Variants in VAV3 observed in about 807,000 individuals in gnomAD.
The protein encoded by VAV3 is guanine nucleotide exchange factor VAV3.
VAV3 carries 94 observed loss-of-function variants against 131.2 expected under a neutral mutation model. The observed-to-expected ratio is 0.72, with a 90% CI of 0.61 to 0.85. The LOEUF (loss-of-function observed/expected upper bound fraction) is 0.85, where lower values mean the gene tolerates loss of function less well. Among genes scored for constraint, VAV3 ranks in the 40% least tolerant of loss-of-function variants. The pLI, the probability that VAV3 is intolerant of heterozygous loss-of-function variation, is 0.00. For synonymous variants in VAV3, 349 were observed against 342.0 expected, an observed-to-expected ratio of 1.02 and a Z score of -0.22; for missense variants, 939 against 1,002.7, an observed-to-expected ratio of 0.94 and a Z score of 0.86.
Position 107,772,854 on chromosome 1 carries a change from G to A in VAV3, c.447-11C>T, listed in dbSNP as rs1239641256. ...TCCACAAGGGTTTCACTACAACAAA[G>A]GATATCATATAAGGTCATTTTCTAT... is the stretch of plus-strand genomic sequence containing the variant. On this transcript the variant is annotated splice_polypyrimidine_tract_variant and intron_variant, in intron 4 of 26. Transcript: ENST00000370056. The A allele has an allele frequency of 1.2e-6, 2 of 1,605,480 alleles. No homozygotes were observed. Among genetic ancestry groups the A allele is most frequent in the Admixed American group, 1.7e-5 (1 of 59,604 alleles).
At chr1:107,865,635 G>T (rs1669949530) in intron 2 of VAV3, among the ~76,000 whole-genome samples, 2 of 152,174 alleles carry the variant, frequency 1.3e-5, no homozygotes, top group Admixed American at 6.6e-5. Context: ...TGTGCGGCTT[G>T]TAAAAGAGTT....
At chr1:107,870,011 T>G (rs184868505) in intron 2 of VAV3, among the ~76,000 whole-genome samples, 42 of 152,274 alleles carry the variant, frequency 2.8e-4, no homozygotes, top group African/African-American at 1.0e-3. Flanking sequence ...TTCCGTCATA[T>G]ATACAATTTC....
intron 2 of VAV3, among the ~76,000 whole-genome samples, chr1:107,838,145 T>C (rs4915080): frequency 6.6e-6 from 1 of 151,786 alleles, no homozygotes; most frequent in African/African-American, 2.4e-5. Context: ...TCCGACAAAG[T>C]TCTAATAACC....
intron 1 of VAV3, among the ~76,000 whole-genome samples, chr1:107,883,136 T>G (rs1343858665): frequency 1.3e-5 from 2 of 151,920 alleles, no homozygotes; most frequent in African/African-American, 4.8e-5. Flanking sequence ...AGTTAACAGG[T>G]TTTTTTTCAC....
At chr1:107,654,811 G>A (rs1458261714) in intron 19 of VAV3, among the ~76,000 whole-genome samples, 1 of 151,694 alleles carries the variant, frequency 6.6e-6, no homozygotes, top group African/African-American at 2.4e-5. Context: ...GTCTAACAGG[G>A]AAAAGGAAAA....
At chr1:107,920,597 C>G (rs1672847246) in intron 1 of VAV3, among the ~76,000 whole-genome samples, 1 of 152,200 alleles carries the variant, frequency 6.6e-6, no homozygotes, top group Non-Finnish European at 1.5e-5. Context: ...CTCCAAACCA[C>G]TTCTTTGATG....
intron 15 of VAV3, among the ~76,000 whole-genome samples, chr1:107,720,384 A>ATAATAAAT (rs1661414262): frequency 9.8e-6 from 1 of 102,524 alleles, no homozygotes; most frequent in Non-Finnish European, 1.9e-5. Flanking sequence ...CACTGTCTCA[A>ATAATAAAT]AAATAAATAA....
At chr1:107,934,250 A>C (rs898905216) in intron 1 of VAV3, among the ~76,000 whole-genome samples, 1 of 152,192 alleles carries the variant, frequency 6.6e-6, no homozygotes, top group Non-Finnish European at 1.5e-5. Context: ...GCAAAACCCA[A>C]GACTTTCCTG....
chr1:107,760,766 C>A lies in VAV3; in HGVS notation c.1017+18G>T, dbSNP rs1007303045. 6.4e-6 allele frequency: 10 copies of A among 1,570,864 alleles called. No homozygotes were observed. Among genetic ancestry groups the A allele is most frequent in the Non-Finnish European group, 7.9e-6 (9 of 1,144,244 alleles). On this transcript the variant is annotated intron_variant, in intron 10 of 26. Transcript: ENST00000370056. ...AGTGAATAAATGGACAATAAATAAA[C>A]TGTTTTAAGTTACATACCTGGAGGA...
intron 1 of VAV3, among the ~76,000 whole-genome samples, chr1:107,947,213 T>C (rs1337622267): frequency 6.6e-6 from 1 of 152,220 alleles, no homozygotes; most frequent in East Asian, 1.9e-4. Context: ...GGGTAGAGTG[T>C]TACACATATG....
At chr1:107,656,181 C>T (rs1325697009) in intron 19 of VAV3, among the ~76,000 whole-genome samples, 1 of 152,018 alleles carries the variant, frequency 6.6e-6, no homozygotes, top group Non-Finnish European at 1.5e-5. Flanking sequence ...TTCATAATAA[C>T]CGAAATATGG....
At chr1:107,612,075 G>A (rs960901247) in intron 21 of VAV3, among the ~76,000 whole-genome samples, 23 of 151,788 alleles carry the variant, frequency 1.5e-4, no homozygotes, top group African/African-American at 4.8e-4. Context: ...CTTCTGCTAT[G>A]AACATGTAGT....
chr1:107,735,679 G>A (rs1662574147), intron 15 of VAV3, among the ~76,000 whole-genome samples: 1 of 152,086 alleles, frequency 6.6e-6, no homozygotes, highest in Admixed American at 6.5e-5. Context: ...TTCCTGAATA[G>A]ACCAATAACA....
intron 1 of VAV3, among the ~76,000 whole-genome samples, chr1:107,953,652 G>A (rs1313223166): frequency 1.3e-5 from 2 of 152,192 alleles, no homozygotes; most frequent in Non-Finnish European, 2.9e-5. Flanking sequence ...CAGCCTGTCA[G>A]AGACAGATCT....
chr1:107,864,996 A>G (rs1669916089), intron 2 of VAV3, among the ~76,000 whole-genome samples: 1 of 152,116 alleles, frequency 6.6e-6, no homozygotes, highest in Non-Finnish European at 1.5e-5. Context: ...CCCCTGCCCC[A>G]CACTGCACTG....
At chr1:107,700,771 G>GTTTTTTGCATT (rs1243982154) in intron 17 of VAV3, among the ~76,000 whole-genome samples, 1 of 152,190 alleles carries the variant, frequency 6.6e-6, no homozygotes, top group Non-Finnish European at 1.5e-5. Flanking sequence ...ACGCATGCAT[G>GTTTTTTGCATT]TATCTTTATA....
At chr1:107,695,362 A>T (rs1186139045) in intron 17 of VAV3, among the ~76,000 whole-genome samples, 1 of 152,192 alleles carries the variant, frequency 6.6e-6, no homozygotes, top group Non-Finnish European at 1.5e-5. Context: ...TGTTCAAGCA[A>T]GAGACAATGA....
chr1:107,869,211 G>A (rs556295740), intron 2 of VAV3, among the ~76,000 whole-genome samples: 36 of 152,302 alleles, frequency 2.4e-4, no homozygotes, highest in African/African-American at 7.9e-4. Context: ...AATTAAGAAA[G>A]AGGAAAGTGT....
intron 2 of VAV3, among the ~76,000 whole-genome samples, chr1:107,817,047 A>G (rs1487826484): frequency 6.6e-6 from 1 of 152,214 alleles, no homozygotes; most frequent in African/African-American, 2.4e-5. Flanking sequence ...ATTCAATCCT[A>G]AAAGATGCAA....
Sources: allele counts gnomAD v4.1 joint callset (sites outside exome capture counted in the v4.1 genomes callset), GRCh38; gene constraint gnomAD v4.1.1; transcripts MANE v1.5; gene names NCBI Gene and HGNC (gene_info 2026-07-23, HGNC 2026-07-21).